PHF8: variants seen among roughly 807,000 people sequenced by gnomAD.
PHF8 encodes the protein histone lysine demethylase PHF8.
In PHF8, 9 loss-of-function variants were observed where a neutral mutation model predicts 74.4. That is an observed-to-expected ratio of 0.12 (90% CI 0.07 to 0.21). The LOEUF is 0.21. PHF8 is among the 10% of genes least tolerant of loss of function. PHF8 has a pLI of 1.00. For synonymous variants in PHF8, 311 were observed against 316.6 expected (o/e 0.98, Z 0.19); for missense variants, 478 against 816.6 (o/e 0.59, Z 5.05).
At position 54,016,792 on chromosome X, in the gene PHF8, T is replaced by C. The variant is rs1179969024; in HGVS notation, c.455-56A>G. The C allele has an allele frequency of 2.0e-5, 19 of 967,563 alleles. 1 individual carries two copies. In the Admixed American group the frequency reaches 4.2e-4, roughly 21 times the overall value. The allele number at this position is 967,563 out of a possible 1,213,427, so 79.7% of individuals were successfully genotyped here. On this transcript the variant is annotated intron_variant, in intron 5 of 21. Transcript: ENST00000338154. The stretch of plus-strand genomic sequence containing the variant: ...TAGTCTCAGGGACTGTGGAAGACTC[T>C]CTTGTCCCCTCATCAGTCCCTAGAA...
chrX:54,003,463 C>A (rs782393439), intron 8 of PHF8, among the ~76,000 whole-genome samples: 3 of 111,314 alleles, frequency 2.7e-5, no homozygotes, highest in African/African-American at 9.8e-5. Context: ...TTGAGACCAG[C>A]CTGACCAACA....
At chrX:53,958,727 G>A (rs781899416) in intron 19 of PHF8, among the ~76,000 whole-genome samples, 1 of 89,668 alleles carries the variant, frequency 1.1e-5, no homozygotes, top group African/African-American at 4.5e-5. Context: ...AGTGAGCAGA[G>A]ATCGCGCCAC....
chrX:54,041,556 C>T (rs1411551846), intron 2 of PHF8, among the ~76,000 whole-genome samples: 3 of 111,319 alleles, frequency 2.7e-5, no homozygotes, highest in Non-Finnish European at 3.8e-5. Context: ...CTTTCCATAG[C>T]TGAGATTTAA....
chrX:53,964,369 A>T (rs2065147735), intron 18 of PHF8, among the ~76,000 whole-genome samples: 1 of 111,091 alleles, frequency 9.0e-6, no homozygotes, highest in Non-Finnish European at 1.9e-5. Flanking sequence ...GTATCCCAGA[A>T]ACGTATAATT....
chrX:53,945,449 G>A lies in PHF8; in HGVS notation c.2540-1206C>T, dbSNP rs782195848. Among the ~76,000 whole-genome samples, 42 of 110,096 alleles carry A rather than the reference G, an allele frequency of 3.8e-4. No homozygotes were observed. The South Asian group carries it at 0.016, about 42-fold the overall frequency. The stretch of plus-strand genomic sequence containing the variant: ...TGCTTGAACCTGGGAGGCAGAGGTT[G>A]CAGTGAGCAGAGATTGCATCACTGC... On this transcript the variant is annotated intron_variant, in intron 19 of 21. Transcript: ENST00000338154.
At chrX:54,007,863 A>G (rs1260621740) in intron 8 of PHF8, among the ~76,000 whole-genome samples, 3 of 112,009 alleles carry the variant, frequency 2.7e-5, no homozygotes, top group African/African-American at 6.5e-5. Flanking sequence ...AAAAAGTTAA[A>G]CACAGAGTTA....
intron 14 of PHF8, among the ~76,000 whole-genome samples, chrX:53,988,913 T>A (rs185494108): frequency 7.2e-5 from 8 of 110,572 alleles, no homozygotes; most frequent in African/African-American, 2.3e-4. Context: ...ATAGATTTTA[T>A]CAAATATCAC....
chrX:54,010,312 T>C (rs782760280), intron 8 of PHF8, among the ~76,000 whole-genome samples: 1 of 110,281 alleles, frequency 9.1e-6, no homozygotes, highest in East Asian at 2.9e-4. Context: ...GTGACAAGAG[T>C]GAAACTCCAT....
At chrX:53,988,311 A>G (rs1462892241) in intron 14 of PHF8, among the ~76,000 whole-genome samples, 1 of 111,989 alleles carries the variant, frequency 8.9e-6, no homozygotes, top group Non-Finnish European at 1.9e-5. Flanking sequence ...AAAGCAGCTC[A>G]GTGAGGGAAA....
At chrX:53,963,860 T>C (rs2065140063) in intron 18 of PHF8, among the ~76,000 whole-genome samples, 1 of 111,538 alleles carries the variant, frequency 9.0e-6, no homozygotes, top group Non-Finnish European at 1.9e-5. Context: ...AGAAATACCA[T>C]TTGACCCAGC....
At chrX:54,013,974 A>T (rs959277318) in intron 7 of PHF8, among the ~76,000 whole-genome samples, 2 of 110,459 alleles carry the variant, frequency 1.8e-5, no homozygotes, top group African/African-American at 3.3e-5. Context: ...TTTTTTTTTT[A>T]AGATGGAATC....
At chrX:53,999,517 C>A in intron 11 of PHF8, 1 of 204,014 alleles carries the variant, frequency 4.9e-6, no homozygotes, top group South Asian at 7.4e-5. Context: ...CAAGGGTCAA[C>A]CACACAGTGT....
At chrX:54,022,169 T>A in intron 4 of PHF8, 90 bp downstream of exon 4, 1 of 580,534 alleles carries the variant, frequency 1.7e-6, no homozygotes. Flanking sequence ...AAGCTCCTAA[T>A]GGGACAGCCA....
At chrX:54,044,894 G>A (rs2066619718), upstream of PHF8, 2 of 1,153,902 alleles carry the variant, frequency 1.7e-6, no homozygotes, top group Middle Eastern at 2.4e-4. Context: ...TGTTCATTGA[G>A]CACCTTCGAT....
At chrX:53,998,043 CT>C (rs1446831902) in intron 11 of PHF8, among the ~76,000 whole-genome samples, 1 of 112,203 alleles carries the variant, frequency 8.9e-6, no homozygotes, top group Non-Finnish European at 1.9e-5. Flanking sequence ...TTCTTCTTCT[CT>C]TGATTTCTTG....
At chrX:54,017,907 G>C in intron 4 of PHF8, 86 bp from the exon 5 acceptor site, 1 of 911,279 alleles carries the variant, frequency 1.1e-6, no homozygotes. Flanking sequence ...CAAGAGGTGG[G>C]GTTTTTATGA....
rs782460207 is a variant in PHF8 at position 54,022,337 on chromosome X, T to C, written c.215A>G (p.His72Arg). 17 of 1,205,471 alleles carry C rather than the reference T, an allele frequency of 1.4e-5. No homozygotes were observed. Among genetic ancestry groups the C allele is most frequent in the Non-Finnish European group, 1.9e-5 (17 of 889,761 alleles). The change falls in exon 4 of 22, where the codon CAT becomes CGT. Residue 72 changes from histidine to arginine, a missense_variant. By Grantham distance (29) the His-to-Arg change is conservative. Around this residue, in one of 9 missense-constraint regions of PHF8, gnomAD observed 28 missense variants for 33.4 expected, o/e 0.84. Transcript: ENST00000338154. ...CACTGGTTTCCCCTTGTGTGTATCA[T>C]GCCCCTTTGAAGATCCACGGCGTTT... is the stretch of plus-strand genomic sequence containing the variant. ...MKKRRGSSKGHDTHKGKPVKT... is the reference protein window; with the variant it reads ...MKKRRGSSKGRDTHKGKPVKT...
At chrX:54,034,801 G>A (rs1373053579) in intron 2 of PHF8, among the ~76,000 whole-genome samples, 1 of 101,129 alleles carries the variant, frequency 9.9e-6, no homozygotes, top group African/African-American at 3.7e-5. Context: ...TCCAGCCTGG[G>A]CGACAGAGCG....
At chrX:53,963,935 C>T (rs1557091656) in intron 18 of PHF8, among the ~76,000 whole-genome samples, 1 of 111,844 alleles carries the variant, frequency 8.9e-6, no homozygotes, top group East Asian at 2.8e-4. Context: ...CACATGCACA[C>T]GTATGTTTAT....
Sources: allele counts gnomAD v4.1 joint callset (sites outside exome capture counted in the v4.1 genomes callset), GRCh38; gene constraint gnomAD v4.1.1; regional missense constraint gnomAD v4.1.1; transcripts MANE v1.5; gene names NCBI Gene and HGNC (gene_info 2026-07-23, HGNC 2026-07-21).